The following DDX3Y variants were observed in gnomAD, a reference collection of about 807,000 sequenced individuals.
DDX3Y encodes DEAD-box helicase 3 Y-linked.
In DDX3Y, 2 loss-of-function variants were observed where a neutral mutation model predicts 15.1. That is an observed-to-expected ratio of 0.13 (90% CI 0.05 to 0.42). DDX3Y has a LOEUF of 0.42. DDX3Y is among the 10% of genes least tolerant of loss of function. The pLI, the probability that DDX3Y is intolerant of heterozygous loss-of-function variation, is 0.99. For missense variants in DDX3Y, 81 were observed against 149.9 expected (o/e 0.54, Z 2.40); for synonymous variants, 47 against 45.0 (o/e 1.04, Z -0.18).
chrY:12,916,654 A>G lies in DDX3Y; in HGVS notation c.1609+20A>G, dbSNP rs369144098. On this transcript the variant is annotated intron_variant, in intron 14 of 16. Transcript: ENST00000336079. Reference sequence around the variant, plus strand: ...ACCTGGGTAAGGGGTTTGTTAGTTCATTTTTTTTTAATTGTGATGCATACA... The same window carrying G: ...ACCTGGGTAAGGGGTTTGTTAGTTCGTTTTTTTTTAATTGTGATGCATACA... 2 of 335,723 alleles carry G rather than the reference A, an allele frequency of 6.0e-6. No homozygotes were observed. Among genetic ancestry groups the G allele is most frequent in the African/African-American group, 7.2e-5 (1 of 13,964 alleles). 83.7% of individuals were successfully genotyped at this position (335,723 alleles called of 400,897 possible).
In DDX3Y at chrY:12,905,115, A is replaced by C; in HGVS notation, c.45+134A>C. ...GTGTTATGTGACTGGGACTCTAGGG[A>C]AATGGGGAGAGAAACTGCATGAGAC... On this transcript the variant is annotated intron_variant, in intron 1 of 16. Transcript: ENST00000336079. The C allele has an allele frequency of 1.6e-5, 3 of 186,854 alleles. No homozygotes were observed. The Admixed American group carries it at 2.9e-4, about 18-fold the overall frequency. 46.6% of individuals were successfully genotyped at this position (186,854 alleles called of 400,897 possible).
In DDX3Y at chrY:12,919,644, ACATT is replaced by A. The variant is rs2148301535; in HGVS notation, c.*1525_*1528del. 3.0e-5 allele frequency: 1 copy of A among 33,417 alleles called. No individual in the cohort carries two copies. Among genetic ancestry groups the A allele is most frequent in the South Asian group, 6.5e-4 (1 of 1,542 alleles). 8.3% of individuals were successfully genotyped at this position (33,417 alleles called of 400,897 possible). On this transcript the variant is annotated 3_prime_UTR_variant, in exon 17 of 17. Coordinates refer to ENST00000336079, the MANE Select transcript of DDX3Y (RefSeq NM_004660.5). ...AACTTTTTACAAAGTATTTTGTTGC[ACATT>A]CAGAGAATTTTATATATATATGTCT...
At position 12,919,854 on chromosome Y, in the gene DDX3Y, A is replaced by G; in HGVS notation, c.*1732A>G. The G allele has an allele frequency of 5.9e-5, 2 of 33,805 alleles. No homozygotes were observed. Among genetic ancestry groups the G allele is most frequent in the Non-Finnish European group, 1.5e-4 (2 of 13,643 alleles). The allele number at this position is 33,805 out of a possible 400,897, so 8.4% of individuals were successfully genotyped here. A position where few individuals can be genotyped will look rare whatever the true frequency, so the allele number is the denominator to read the frequency against. On this transcript the variant is annotated 3_prime_UTR_variant, in exon 17 of 17. Transcript: ENST00000336079. Reference sequence around the variant, plus strand: ...CTGCTAGTTGTGTAATATTTATTGAACATTTTGACAAATATTTATTTTTGT... The same window carrying G: ...CTGCTAGTTGTGTAATATTTATTGAGCATTTTGACAAATATTTATTTTTGT...
chrY:12,917,786 C>G, intron 16 of DDX3Y, among the ~76,000 whole-genome samples: 1 of 30,642 alleles, frequency 3.3e-5, no homozygotes, highest in Non-Finnish European at 7.8e-5. Flanking sequence ...CTGGTCTCTA[C>G]CTCCTGACCT....
At chrY:12,912,530 A>G in intron 4 of DDX3Y, 197 bp from the exon 5 acceptor site, 1 of 138,835 alleles carries the variant, frequency 7.2e-6, no homozygotes. Context: ...ATTTTCTTAA[A>G]AATGAAGACA....
In DDX3Y at chrY:12,914,931, T is replaced by G; in HGVS notation, c.807T>G (p.Val269=). Residue 269 remains valine, a synonymous_variant, in exon 9 of 17, where the codon GTT becomes GTG. Coordinates refer to ENST00000336079, the MANE Select transcript of DDX3Y (RefSeq NM_004660.5). ...GCAAACAATATCCAATATCCTTGGT[T>G]TTAGCCCCAACAAGAGAATTGGCTG... The part of the protein sequence containing the change: ...GRRKQYPISL[V]LAPTRELAVQ... 1 of 395,817 alleles carries G rather than the reference T, an allele frequency of 2.5e-6. No individual in the cohort carries two copies. The highest frequency in any genetic ancestry group is 3.5e-6 in the Non-Finnish European group (1 of 282,605).
At chrY:12,913,568 A>G (rs886290955) in intron 6 of DDX3Y, 150 bp from the exon 7 acceptor site, 8 of 155,116 alleles carry the variant, frequency 5.2e-5, no homozygotes, top group African/African-American at 8.4e-5. Flanking sequence ...AAATCATAGC[A>G]TCTGTAAACT....
In DDX3Y at chrY:12,915,787, G is replaced by A. The variant is rs771038674; in HGVS notation, c.1164+13G>A. The A allele has an allele frequency of 2.5e-6, 1 of 398,412 alleles. No homozygotes were observed. Among genetic ancestry groups the A allele is most frequent in the Non-Finnish European group, 3.5e-6 (1 of 283,267 alleles). ...TAAGGAAATACAGGTACTGTTTGAC[G>A]TTTGAACTTTCATTCAGAACATTTG... On this transcript the variant is annotated intron_variant, in intron 11 of 16. Coordinates refer to ENST00000336079, the MANE Select transcript of DDX3Y (RefSeq NM_004660.5).
At chrY:12,905,134 A>G in intron 1 of DDX3Y, among the ~76,000 whole-genome samples, 153 bp downstream of exon 1, 1 of 33,954 alleles carries the variant, frequency 2.9e-5, no homozygotes, top group East Asian at 7.7e-4. Context: ...GAGAAACTGC[A>G]TGAGACCATG....
At position 12,915,623 on chromosome Y, in the gene DDX3Y, G is replaced by A. The variant is rs368352887; in HGVS notation, c.1020-7G>A. Reference sequence around the variant, plus strand: ...AATCCAGTATCAACTGAGGGTTTTCGTAATAGGTACTTAGTGTTGGATGAA... The same window carrying A: ...AATCCAGTATCAACTGAGGGTTTTCATAATAGGTACTTAGTGTTGGATGAA... On this transcript the variant is annotated splice_region_variant and splice_polypyrimidine_tract_variant and intron_variant, in intron 10 of 16. Coordinates refer to ENST00000336079, the MANE Select transcript of DDX3Y (RefSeq NM_004660.5). 1.8e-4 allele frequency: 71 copies of A among 394,438 alleles called. No individual in the cohort carries two copies. The highest frequency in any genetic ancestry group is 2.5e-4 in the Non-Finnish European group (69 of 281,110).
intron 3 of DDX3Y, 106 bp from the exon 4 acceptor site, chrY:12,911,733 A>G: frequency 4.3e-6 from 1 of 233,018 alleles, no homozygotes; most frequent in Non-Finnish European, 6.7e-6. Flanking sequence ...CATTGGTCCC[A>G]TAAAGATAAC....
At chrY:12,916,868 C>T in intron 14 of DDX3Y, 39 bp from the exon 15 acceptor site, 1 of 358,200 alleles carries the variant, frequency 2.8e-6, no homozygotes, top group Non-Finnish European at 3.9e-6. Flanking sequence ...TACTCCACTA[C>T]TTTATGGAAA....
chrY:12,908,770 C>A, intron 2 of DDX3Y, among the ~76,000 whole-genome samples: 1 of 33,745 alleles, frequency 3.0e-5, no homozygotes, highest in Admixed American at 2.6e-4. Context: ...CCAAGCTCCC[C>A]CTCCCAGGTT....
Position 12,914,545 on chromosome Y carries a change from G to A in DDX3Y, c.674-19G>A. On this transcript the variant is annotated intron_variant, in intron 7 of 16. Coordinates refer to ENST00000336079, the MANE Select transcript of DDX3Y (RefSeq NM_004660.5). Reference sequence around the variant, plus strand: ...ATCTGTTAATATTCAGAAATGATAAGCCAGTGTTTTGTTTTCAGGATCTGG... The same window carrying A: ...ATCTGTTAATATTCAGAAATGATAAACCAGTGTTTTGTTTTCAGGATCTGG... The A allele has an allele frequency of 2.8e-6, 1 of 352,045 alleles. No individual in the cohort carries two copies. Among genetic ancestry groups the A allele is most frequent in the Non-Finnish European group, 4.1e-6 (1 of 241,420 alleles). The allele number at this position is 352,045 out of a possible 400,897, so 87.8% of individuals were successfully genotyped here.
rs763191446 is a variant in DDX3Y, at chrY:12,905,366, T to C, written c.45+385T>C. ...TTTTATGTCCAGGGTGAGGCTCTTA[T>C]CTGGCGCCCCTGACGTATTCGCAGT... On this transcript the variant is annotated intron_variant, in intron 1 of 16. Coordinates refer to ENST00000336079, the MANE Select transcript of DDX3Y (RefSeq NM_004660.5). 3.5e-4 allele frequency among the ~76,000 whole-genome samples: 12 copies of C among 34,074 alleles called. No homozygotes were observed. In the East Asian group the frequency reaches 9.4e-3, roughly 27 times the overall value. 91.4% of individuals were successfully genotyped at this position (34,074 alleles called of 37,273 possible). A position where few individuals can be genotyped will look rare whatever the true frequency, so the allele number is the denominator to read the frequency against.
chrY:12,909,458 G>C lies in DDX3Y; in HGVS notation c.151+51G>C, dbSNP rs376844226. On this transcript the variant is annotated intron_variant, in intron 3 of 16. Transcript: ENST00000336079. The stretch of plus-strand genomic sequence containing the variant: ...ACCTAACCTTTAGCAGCTAATCAAA[G>C]CCTAGGGAAGAAAGTAACTTTAGGA... 30 of 318,799 alleles carry C rather than the reference G, an allele frequency of 9.4e-5. No homozygotes were observed. In the African/African-American group the frequency reaches 2.0e-3, roughly 22 times the overall value. 79.5% of individuals were successfully genotyped at this position (318,799 alleles called of 400,897 possible).
chrY:12,913,768 T>G lies in DDX3Y; in HGVS notation c.588T>G (p.Thr196=). Residue 196 remains threonine (T), a synonymous_variant, in exon 7 of 17, where the codon ACT becomes ACG. Coordinates refer to ENST00000336079, the MANE Select transcript of DDX3Y (RefSeq NM_004660.5). ...TTATCATGGGGAACATTGAACTTAC[T>G]CGCTATACTCGTCCTACTCCAGTGC... The part of the protein sequence containing the change: ...GEIIMGNIEL[T]RYTRPTPVQK... 1 of 396,654 alleles carries G rather than the reference T, an allele frequency of 2.5e-6. No homozygotes were observed. Among genetic ancestry groups the G allele is most frequent in the Non-Finnish European group, 3.6e-6 (1 of 281,617 alleles).
intron 8 of DDX3Y, 63 bp downstream of exon 8, chrY:12,914,712 C>T: frequency 3.4e-6 from 1 of 292,458 alleles, no homozygotes. Context: ...GCCCTGTTGA[C>T]TTTTCTAACG....
At chrY:12,904,372 A>G, upstream of DDX3Y, 1 of 38,906 alleles carries the variant, frequency 2.6e-5, no homozygotes, top group Admixed American at 2.3e-4. Context: ...TTGGCTTCAG[A>G]GAGTTTTTTG....
Sources: gnomAD v4.1 joint callset for allele counts (sites outside exome capture counted in the v4.1 genomes callset) on GRCh38, gnomAD v4.1.1 for gene constraint, MANE v1.5 for transcripts, NCBI Gene and HGNC (gene_info 2026-07-23, HGNC 2026-07-21) for gene names.